GADL1: variants seen among roughly 807,000 people sequenced by gnomAD.
The protein encoded by GADL1 is acidic amino acid decarboxylase GADL1.
In GADL1, 71 loss-of-function variants were observed where a neutral mutation model predicts 69.5. The ratio of observed to expected loss-of-function variants is 1.02; its 90% CI spans 0.84 to 1.25. The LOEUF is 1.25. GADL1 is among the 50% of genes most tolerant of loss of function. The probability of loss-of-function intolerance (pLI) is 0.00; values close to 1 mark genes in which losing one functional copy is unlikely to be tolerated. For missense variants in GADL1, 737 were observed against 631.8 expected, an observed-to-expected ratio of 1.17 and a Z score of -1.79; for synonymous variants, 254 against 214.4, an observed-to-expected ratio of 1.18 and a Z score of -1.62.
chr3:30,846,179 G>T (rs770037970), intron 6 of GADL1, among the ~76,000 whole-genome samples: 3 of 152,124 alleles, frequency 2.0e-5, no homozygotes, highest in Non-Finnish European at 4.4e-5. Context: ...TAGTTTCAAG[G>T]AAAGGAAAAA....
chr3:30,808,365 T>C (rs963003642), intron 11 of GADL1, among the ~76,000 whole-genome samples: 4 of 151,558 alleles, frequency 2.6e-5, no homozygotes, highest in African/African-American at 7.3e-5. Flanking sequence ...GGCATGGTGG[T>C]TGCATGCCTG....
chr3:30,860,132 C>A (rs926618050), intron 2 of GADL1, among the ~76,000 whole-genome samples: 5 of 151,888 alleles, frequency 3.3e-5, no homozygotes, highest in African/African-American at 4.8e-5. Flanking sequence ...CCAAAATTCT[C>A]ACTTGCCCTT....
At chr3:30,762,762 C>A (rs1357535591) in intron 14 of GADL1, among the ~76,000 whole-genome samples, 3 of 152,132 alleles carry the variant, frequency 2.0e-5, no homozygotes, top group Non-Finnish European at 4.4e-5. Context: ...ACTATCCTTC[C>A]CACTCTCTGG....
chr3:30,774,587 T>A (rs978309938), intron 14 of GADL1, among the ~76,000 whole-genome samples: 1 of 138,116 alleles, frequency 7.2e-6, no homozygotes, highest in African/African-American at 3.5e-5. Context: ...AAGAATCTTA[T>A]CACTTCCTTA....
chr3:30,807,289 ACTT>A (rs1246663157), intron 11 of GADL1, among the ~76,000 whole-genome samples: 1 of 152,106 alleles, frequency 6.6e-6, no homozygotes, highest in Non-Finnish European at 1.5e-5. Flanking sequence ...TCAGCTCTAG[ACTT>A]CCCCACTGTT....
At chr3:30,867,171 C>T (rs1234316848) in intron 1 of GADL1, among the ~76,000 whole-genome samples, 1 of 151,772 alleles carries the variant, frequency 6.6e-6, no homozygotes, top group Non-Finnish European at 1.5e-5. Context: ...ATCCGGATTC[C>T]TACCCAAAAG....
At chr3:30,763,507 C>CGGGGGGGGGGGG (rs1199881775) in intron 14 of GADL1, among the ~76,000 whole-genome samples, 1 of 6,262 alleles carries the variant, frequency 1.6e-4, no homozygotes, top group Non-Finnish European at 5.7e-4. Flanking sequence ...GTCTCGGCGG[C>CGGGGGGGGGGGG]GGGGGGTGGG....
intron 1 of GADL1, among the ~76,000 whole-genome samples, chr3:30,883,062 G>A (rs1051487441): frequency 1.3e-5 from 2 of 151,828 alleles, no homozygotes; most frequent in South Asian, 2.1e-4. Context: ...AATATTATCC[G>A]ACGTATTATT....
At chr3:30,833,827 C>T (rs1174423321) in intron 11 of GADL1, 26 bp downstream of exon 11, 7 of 1,573,224 alleles carry the variant, frequency 4.4e-6, no homozygotes, top group Non-Finnish European at 6.1e-6. Context: ...CCTTGAAGCC[C>T]AAAGGACCAC....
intron 6 of GADL1, among the ~76,000 whole-genome samples, chr3:30,847,885 C>CG (rs1233686769): frequency 5.9e-5 from 9 of 152,124 alleles, no homozygotes; most frequent in Non-Finnish European, 1.2e-4. Flanking sequence ...CTTTCCCAGG[C>CG]GTAATCTCTG....
At chr3:30,877,562 C>A (rs1698594112) in intron 1 of GADL1, among the ~76,000 whole-genome samples, 1 of 151,788 alleles carries the variant, frequency 6.6e-6, no homozygotes, top group Non-Finnish European at 1.5e-5. Flanking sequence ...GAAGGAAATA[C>A]ATTGCTTGGG....
At chr3:30,792,002 T>C (rs1018146492) in intron 12 of GADL1, among the ~76,000 whole-genome samples, 2 of 152,150 alleles carry the variant, frequency 1.3e-5, no homozygotes, top group Admixed American at 1.3e-4. Context: ...CTGAACCTCT[T>C]TTTCTTTATA....
chr3:30,884,641 AC>A (rs1404573882), intron 1 of GADL1, among the ~76,000 whole-genome samples: 1 of 151,930 alleles, frequency 6.6e-6, no homozygotes, highest in Non-Finnish European at 1.5e-5. Flanking sequence ...TTTCAGTTAC[AC>A]TATATTACGA....
chr3:30,757,692 A>G (rs1329306548), intron 14 of GADL1, among the ~76,000 whole-genome samples: 4 of 152,154 alleles, frequency 2.6e-5, no homozygotes, highest in Admixed American at 2.6e-4. Context: ...AGTTCTTGGG[A>G]TTAGTAGATC....
intron 8 of GADL1, among the ~76,000 whole-genome samples, chr3:30,841,500 AG>A (rs1697966362): frequency 6.6e-6 from 1 of 152,164 alleles, no homozygotes; most frequent in Admixed American, 6.6e-5. Flanking sequence ...GATTATCTTT[AG>A]GGGATGCTAG....
At position 30,866,145 on chromosome 3, in the gene GADL1, TAAC is replaced by T. The variant is rs576464964; in HGVS notation, c.38-4383_38-4381del. Reference sequence around the variant, plus strand: ...ATAAAAGTTAGCTAACAGTAGTAAATAACAACAATATTTATTCAATACATAAAT... The same window carrying T: ...ATAAAAGTTAGCTAACAGTAGTAAATAACAATATTTATTCAATACATAAAT... On this transcript the variant is annotated intron_variant, in intron 1 of 14. Transcript: ENST00000282538. 5.8e-3 allele frequency among the ~76,000 whole-genome samples: 882 copies of T among 152,034 alleles called. 5 individuals are homozygous for T. Among genetic ancestry groups the T allele is most frequent in the Non-Finnish European group, 9.9e-3 (674 of 67,934 alleles).
chr3:30,849,401 G>C (rs1471109449), intron 6 of GADL1, among the ~76,000 whole-genome samples: 1 of 152,120 alleles, frequency 6.6e-6, no homozygotes, highest in African/African-American at 2.4e-5. Context: ...ACTCACTCAA[G>C]GTTACTCAGA....
chr3:30,831,992 C>T (rs1697800055), intron 11 of GADL1, among the ~76,000 whole-genome samples: 1 of 151,344 alleles, frequency 6.6e-6, no homozygotes, highest in Admixed American at 6.6e-5. Flanking sequence ...TGATTCAATG[C>T]TATAAGAGCC....
Position 30,795,265 on chromosome 3 carries a change from C to T in GADL1, c.1250+5624G>A, listed in dbSNP as rs536725484. Among the ~76,000 whole-genome samples, 9 of 152,134 alleles carry T rather than the reference C, an allele frequency of 5.9e-5. No individual in the cohort carries two copies. In the South Asian group the frequency reaches 1.2e-3, roughly 21 times the overall value. ...TTCATGGGAAATATCTTGACCCTGT[C>T]GGTGGTTTGAACAGATTATGCTACT... On this transcript the variant is annotated intron_variant, in intron 12 of 14. Coordinates refer to ENST00000282538, the MANE Select transcript of GADL1 (RefSeq NM_207359.3).
Sources: gnomAD v4.1 joint callset for allele counts (sites outside exome capture counted in the v4.1 genomes callset) on GRCh38, gnomAD v4.1.1 for gene constraint, MANE v1.5 for transcripts, NCBI Gene and HGNC (gene_info 2026-07-23, HGNC 2026-07-21) for gene names.